CNTNAP5: variants seen among roughly 807,000 people sequenced by gnomAD.
The protein encoded by CNTNAP5 is contactin associated protein family member 5.
Under a neutral mutation model 150.2 loss-of-function variants are expected in CNTNAP5, and 72 were observed. That is an observed-to-expected ratio of 0.48 (90% CI 0.40 to 0.58). The LOEUF is 0.58. Among genes scored for constraint, CNTNAP5 ranks in the 20% least tolerant of loss-of-function variants. The pLI is 0.00. For missense variants in CNTNAP5, 1,636 were observed against 1,626.2 expected (o/e 1.01, Z -0.10); for synonymous variants, 672 against 619.8 (o/e 1.08, Z -1.25).
At chr2:124,126,260 A>C (rs951849479) in intron 1 of CNTNAP5, among the ~76,000 whole-genome samples, 2 of 152,190 alleles carry the variant, frequency 1.3e-5, no homozygotes, top group Non-Finnish European at 2.9e-5. Flanking sequence ...CAGAAGTACA[A>C]ACTAACGTCA....
At chr2:124,528,646 G>A (rs915865078) in intron 10 of CNTNAP5, among the ~76,000 whole-genome samples, 4 of 152,150 alleles carry the variant, frequency 2.6e-5, no homozygotes, top group African/African-American at 7.2e-5. Context: ...GGGATGGTAG[G>A]CCACTGTGGA....
chr2:124,395,841 G>T (rs1171389507), intron 3 of CNTNAP5, among the ~76,000 whole-genome samples: 1 of 152,026 alleles, frequency 6.6e-6, no homozygotes, highest in African/African-American at 2.4e-5. Flanking sequence ...ATGCACTCTG[G>T]TCCCTATTTT....
At chr2:124,812,398 C>A (rs893021664) in intron 19 of CNTNAP5, among the ~76,000 whole-genome samples, 12 of 151,346 alleles carry the variant, frequency 7.9e-5, no homozygotes, top group African/African-American at 2.4e-4. Flanking sequence ...TCCTTTATGG[C>A]AGAGCACTCC....
chr2:124,339,559 A>G (rs1467965572), intron 3 of CNTNAP5, among the ~76,000 whole-genome samples: 1 of 152,202 alleles, frequency 6.6e-6, no homozygotes, highest in Non-Finnish European at 1.5e-5. Flanking sequence ...GGAAATAGAC[A>G]ATAGATTAAC....
intron 3 of CNTNAP5, among the ~76,000 whole-genome samples, chr2:124,310,623 TA>T (rs768451039): frequency 2.2e-4 from 34 of 151,606 alleles, no homozygotes; most frequent in African/African-American, 3.4e-4. Context: ...TTTTTTTTTT[TA>T]AATTTGTATT....
intron 11 of CNTNAP5, among the ~76,000 whole-genome samples, chr2:124,575,658 C>G (rs928346767): frequency 2.6e-5 from 4 of 152,184 alleles, no homozygotes; most frequent in Non-Finnish European, 5.9e-5. Flanking sequence ...TCCACGTATA[C>G]AGGTGGCTGC....
At chr2:124,674,437 CTTCCT>C (rs1277872447) in intron 13 of CNTNAP5, among the ~76,000 whole-genome samples, 12 of 142,674 alleles carry the variant, frequency 8.4e-5, no homozygotes, top group Non-Finnish European at 1.8e-4. Flanking sequence ...CTCTCCTCTC[CTTCCT>C]TTCCTTTCCC....
chr2:124,417,673 G>T, intron 4 of CNTNAP5, 83 bp downstream of exon 4: 2 of 1,288,352 alleles, frequency 1.6e-6, no homozygotes, highest in South Asian at 2.9e-5. Context: ...CATTGAGATT[G>T]ACAATCATCT....
In CNTNAP5 at chr2:124,798,136, C is replaced by T; in HGVS notation, c.3033C>T (p.Tyr1011=). Residue 1011 remains tyrosine (Y), a synonymous_variant, in exon 19 of 24, where the codon TAC becomes TAT. Coordinates refer to ENST00000682447, the MANE Select transcript of CNTNAP5 (RefSeq NM_001367498.1). ...TTGAGGCTGGCACGTCGGTTACTTA[C>T]ATGTTTCAAGAACCCTATCCTGTGA... ...AVFEAGTSVT[Y]MFQEPYPVTK... is the part of the protein sequence containing the mutation. 2 of 1,613,448 alleles carry T rather than the reference C, an allele frequency of 1.2e-6. No homozygotes were observed. The highest frequency in any genetic ancestry group is 2.2e-5 in the South Asian group (2 of 90,996).
At chr2:124,807,998 A>G (rs1682117261) in intron 19 of CNTNAP5, among the ~76,000 whole-genome samples, 1 of 152,176 alleles carries the variant, frequency 6.6e-6, no homozygotes, top group Non-Finnish European at 1.5e-5. Context: ...AGGACTAACA[A>G]GTCAAGAAAA....
chr2:124,551,103 G>A (rs905633477), intron 10 of CNTNAP5, among the ~76,000 whole-genome samples: 1 of 152,086 alleles, frequency 6.6e-6, no homozygotes, highest in Non-Finnish European at 1.5e-5. Flanking sequence ...GGCCCGTGCA[G>A]GGAGAGGCAT....
chr2:124,641,770 C>T lies in CNTNAP5; in HGVS notation c.1877-5988C>T, dbSNP rs968570486. 2.6e-5 allele frequency among the ~76,000 whole-genome samples: 4 copies of T among 152,202 alleles called. 1 individual carries two copies. The highest frequency in any genetic ancestry group is 1.3e-4 in the Admixed American group (2 of 15,282). The stretch of plus-strand genomic sequence containing the variant: ...TCAGTTCAATTAAGCTGGGTATTGA[C>T]AATCTGTAGGCTTCCCTTCCTTCCA... On this transcript the variant is annotated intron_variant, in intron 12 of 23. Coordinates refer to ENST00000682447, the MANE Select transcript of CNTNAP5 (RefSeq NM_001367498.1).
At chr2:124,896,274 C>A (rs1678302378) in intron 21 of CNTNAP5, among the ~76,000 whole-genome samples, 1 of 149,452 alleles carries the variant, frequency 6.7e-6, no homozygotes, top group South Asian at 2.1e-4. Context: ...GAAATGCATG[C>A]ACACACACAC....
At chr2:124,798,003 C>A in intron 18 of CNTNAP5, 93 bp from the exon 19 acceptor site, 1 of 823,866 alleles carries the variant, frequency 1.2e-6, no homozygotes, top group Non-Finnish European at 2.0e-6. Flanking sequence ...TCACACAGTG[C>A]CCAGTGCATA....
chr2:124,884,284 C>T (rs1678034431), intron 21 of CNTNAP5, among the ~76,000 whole-genome samples: 1 of 151,952 alleles, frequency 6.6e-6, no homozygotes, highest in African/African-American at 2.4e-5. Flanking sequence ...CTTGTACATG[C>T]ATGTCTCTGT....
chr2:124,392,984 T>G (rs2104750397), intron 3 of CNTNAP5, among the ~76,000 whole-genome samples: 1 of 152,336 alleles, frequency 6.6e-6, no homozygotes, highest in South Asian at 2.1e-4. Context: ...CTTTTTAGGT[T>G]ACTGTGTAAA....
At chr2:124,485,370 T>G (rs1040814742) in intron 7 of CNTNAP5, among the ~76,000 whole-genome samples, 1 of 151,966 alleles carries the variant, frequency 6.6e-6, no homozygotes, top group Non-Finnish European at 1.5e-5. Context: ...TCCCAGCACT[T>G]TGGGAGGCCC....
At chr2:124,391,978 G>A (rs957275830) in intron 3 of CNTNAP5, among the ~76,000 whole-genome samples, 2 of 151,974 alleles carry the variant, frequency 1.3e-5, no homozygotes, top group Admixed American at 6.6e-5. Context: ...AACAAAAAAG[G>A]GAAAGGTGAG....
intron 7 of CNTNAP5, among the ~76,000 whole-genome samples, chr2:124,502,618 G>C (rs979973691): frequency 6.6e-6 from 1 of 152,174 alleles, no homozygotes; most frequent in Non-Finnish European, 1.5e-5. Flanking sequence ...CTACTTCCTA[G>C]CTTCTCTGCA....
Sources: gnomAD v4.1 joint callset for allele counts (sites outside exome capture counted in the v4.1 genomes callset) on GRCh38, gnomAD v4.1.1 for gene constraint, MANE v1.5 for transcripts, NCBI Gene and HGNC (gene_info 2026-07-23, HGNC 2026-07-21) for gene names.